Variants in CLDN16 observed in about 807,000 individuals in gnomAD.
CLDN16 encodes claudin 16, also known as claudin-16.
A neutral mutation model predicts 24.6 loss-of-function variants in CLDN16; 13 were observed. The observed-to-expected ratio is 0.53, with a 90% CI of 0.34 to 0.84. The LOEUF is 0.84. CLDN16 is among the 40% of genes least tolerant of loss of function. The pLI is 0.01. For missense variants in CLDN16, 298 were observed against 292.7 expected, an observed-to-expected ratio of 1.02 and a Z score of -0.13; for synonymous variants, 116 against 106.7, an observed-to-expected ratio of 1.09 and a Z score of -0.54.
chr3:190,379,975 GTCTATCTATCTATCTA>G (rs34203533), intron 3 of CLDN16, among the ~76,000 whole-genome samples: 3 of 148,988 alleles, frequency 2.0e-5, no homozygotes, highest in Admixed American at 6.7e-5. Context: ...TATCAACTCT[GTCTATCTATCTATCTA>G]TCTATCTATC....
At chr3:190,310,047 G>T in the CLDN16 span, 3 of 781,088 alleles carry the variant, frequency 3.8e-6, no homozygotes, top group African/African-American at 1.7e-5. Context: ...TAAATTGTTT[G>T]TAGGTTTGAC....
At chr3:190,354,090 G>A (rs573601361) in intron 1 of CLDN16, among the ~76,000 whole-genome samples, 4 of 151,974 alleles carry the variant, frequency 2.6e-5, no homozygotes, top group Admixed American at 6.6e-5. Context: ...GTCGGTTATA[G>A]TTATGTTGCC....
intron 1 of CLDN16, among the ~76,000 whole-genome samples, chr3:190,391,469 G>A (rs6788016): frequency 0.014 from 2,062 of 152,138 alleles, 67 homozygotes; most frequent in African/African-American, 0.047. Context: ...AGAAATAAAC[G>A]AAGTATCATT....
chr3:190,402,692 G>A (rs1315667778), intron 2 of CLDN16, among the ~76,000 whole-genome samples: 2 of 152,062 alleles, frequency 1.3e-5, no homozygotes, highest in African/African-American at 4.8e-5. Context: ...GTCCCTCAGA[G>A]GGCCAGGCAT....
the CLDN16 span, among the ~76,000 whole-genome samples, chr3:190,296,841 C>T: frequency 1.3e-5 from 2 of 152,222 alleles, no homozygotes; most frequent in Non-Finnish European, 2.9e-5. Flanking sequence ...TGAGCCACCG[C>T]GCCCGGCCCA....
intron 1 of CLDN16, among the ~76,000 whole-genome samples, chr3:190,331,364 G>T (rs1424522899): frequency 6.6e-6 from 1 of 152,150 alleles, no homozygotes; most frequent in East Asian, 1.9e-4. Context: ...CCAAAGGCTT[G>T]TTTATTATTT....
At chr3:190,313,426 A>G in the CLDN16 span, among the ~76,000 whole-genome samples, 2 of 152,212 alleles carry the variant, frequency 1.3e-5, no homozygotes, top group Non-Finnish European at 2.9e-5. Flanking sequence ...ACTATCCTGG[A>G]TGTTAACTAT....
At chr3:190,353,515 G>A (rs1483054896) in intron 1 of CLDN16, among the ~76,000 whole-genome samples, 2 of 151,954 alleles carry the variant, frequency 1.3e-5, no homozygotes, top group Non-Finnish European at 2.9e-5. Context: ...TGGACCACAA[G>A]TTTGTGTTAT....
chr3:190,297,605 T>C, the CLDN16 span, among the ~76,000 whole-genome samples: 2 of 136,332 alleles, frequency 1.5e-5, no homozygotes, highest in African/African-American at 2.7e-5. Context: ...ATAATATATA[T>C]CTATAATATC....
At chr3:190,349,342 A>G (rs11928341) in intron 1 of CLDN16, among the ~76,000 whole-genome samples, 30,362 of 152,108 alleles carry the variant, frequency 0.2, 3,574 homozygotes, top group African/African-American at 0.32. Flanking sequence ...ACATGAAGAC[A>G]TGCTTGCTTC....
chr3:190,346,074 G>GTCTT (rs1717544160), intron 1 of CLDN16, among the ~76,000 whole-genome samples: 1 of 152,042 alleles, frequency 6.6e-6, no homozygotes, highest in African/African-American at 2.4e-5. Context: ...GGATAGAACT[G>GTCTT]AAGCGTCCTA....
chr3:190,292,349 C>T, the CLDN16 span, among the ~76,000 whole-genome samples: 2,654 of 152,258 alleles, frequency 0.017, 84 homozygotes, highest in African/African-American at 0.059. Context: ...TGTACCTTGG[C>T]CCCTTTTAGC....
chr3:190,395,013 G>A (rs991118792), intron 1 of CLDN16, among the ~76,000 whole-genome samples: 4 of 151,976 alleles, frequency 2.6e-5, no homozygotes, highest in African/African-American at 9.7e-5. Context: ...AAAAGAAATT[G>A]ATAATTTGTA....
chr3:190,329,580 T>TG (rs1263088466), intron 1 of CLDN16, among the ~76,000 whole-genome samples: 1 of 152,204 alleles, frequency 6.6e-6, no homozygotes, highest in Non-Finnish European at 1.5e-5. Flanking sequence ...AGATGCAATT[T>TG]GGCTGTATTG....
chr3:190,382,559 C>A (rs1180401319), intron 3 of CLDN16, among the ~76,000 whole-genome samples: 2 of 152,086 alleles, frequency 1.3e-5, no homozygotes, highest in Non-Finnish European at 2.9e-5. Flanking sequence ...GGTGATCCTA[C>A]CACTATTTGA....
intron 2 of CLDN16, among the ~76,000 whole-genome samples, chr3:190,374,095 G>A (rs1335634473): frequency 6.6e-6 from 1 of 151,688 alleles, no homozygotes; most frequent in Admixed American, 6.6e-5. Flanking sequence ...TAGCTCGTTG[G>A]GTTTTATGTC....
At chr3:190,308,413 G>A in the CLDN16 span, 3 of 1,613,708 alleles carry the variant, frequency 1.9e-6, no homozygotes, top group East Asian at 6.7e-5. Context: ...AGCCCAGCCA[G>A]TGAAGAGAGC....
At chr3:190,352,780 T>G (rs1717695729) in intron 1 of CLDN16, among the ~76,000 whole-genome samples, 1 of 148,080 alleles carries the variant, frequency 6.8e-6, no homozygotes, top group Non-Finnish European at 1.5e-5. Flanking sequence ...ATCGGGGCTC[T>G]GTTGTTTTCT....
chr3:190,402,315 C>T (rs369835183), intron 1 of CLDN16, 22 bp from the exon 2 acceptor site: 24 of 1,566,640 alleles, frequency 1.5e-5, no homozygotes, highest in Middle Eastern at 1.7e-4. Context: ...TTGTTTCACA[C>T]GGTGTCTTCT....
Sources: allele counts gnomAD v4.1 joint callset (sites outside exome capture counted in the v4.1 genomes callset), GRCh38; gene constraint gnomAD v4.1.1; transcripts MANE v1.5; gene names NCBI Gene and HGNC (gene_info 2026-07-23, HGNC 2026-07-21).